The following ZMAT4 variants were observed in gnomAD, a reference collection of about 807,000 sequenced individuals.
ZMAT4 encodes zinc finger matrin-type 4, also known as zinc finger matrin-type protein 4.
ZMAT4 carries 17 observed loss-of-function variants against 28.7 expected under a neutral mutation model. That is an observed-to-expected ratio of 0.59 (90% confidence interval 0.41 to 0.89). ZMAT4 has a LOEUF of 0.89. ZMAT4 is among the 40% of genes least tolerant of loss of function. ZMAT4 has a pLI of 0.00. For missense variants in ZMAT4, 240 were observed against 283.8 expected (o/e 0.85, Z 1.11); for synonymous variants, 117 against 109.2 (o/e 1.07, Z -0.44).
chr8:40,860,265 G>A (rs1817443374), intron 1 of ZMAT4, among the ~76,000 whole-genome samples: 1 of 152,132 alleles, frequency 6.6e-6, no homozygotes, highest in African/African-American at 2.4e-5. Flanking sequence ...ACCACGAGAT[G>A]AGCAGAGGCC....
At chr8:40,668,327 A>C (rs1246491840) in intron 5 of ZMAT4, among the ~76,000 whole-genome samples, 1 of 151,834 alleles carries the variant, frequency 6.6e-6, no homozygotes. Context: ...AAAATTAACC[A>C]GGCTTGGTGG....
At chr8:40,589,785 T>C (rs1804808912) in intron 5 of ZMAT4, among the ~76,000 whole-genome samples, 1 of 139,854 alleles carries the variant, frequency 7.2e-6, no homozygotes, top group Admixed American at 7.2e-5. Context: ...TTTCCTTTCT[T>C]TCTTTTCTTT....
rs148202162 is a variant in ZMAT4 at position 40,779,845 on chromosome 8, T to C, written c.103-12115A>G. Among the ~76,000 whole-genome samples the C allele has an allele frequency of 4.5e-3, 690 of 152,182 alleles. 6 individuals carry two copies. The highest frequency in any genetic ancestry group is 0.031 in the Middle Eastern group (9 of 294). On this transcript the variant is annotated intron_variant, in intron 2 of 6. Coordinates refer to ENST00000297737, the MANE Select transcript of ZMAT4 (RefSeq NM_024645.3). ...TGGCTTCAGCTGGATAGCACCTCAG[T>C]GAGAGGCAAAATCAGGGAGAAATAG...
intron 1 of ZMAT4, among the ~76,000 whole-genome samples, chr8:40,878,728 G>A (rs577654641): frequency 7.9e-5 from 12 of 152,226 alleles, no homozygotes; most frequent in Middle Eastern, 3.2e-3. Context: ...TTCTCGCCAC[G>A]CAAGGTGCGG....
intron 5 of ZMAT4, among the ~76,000 whole-genome samples, chr8:40,653,746 C>T (rs910984134): frequency 1.3e-5 from 2 of 152,062 alleles, no homozygotes; most frequent in Non-Finnish European, 2.9e-5. Flanking sequence ...AGACTTATAA[C>T]AAGTAGAGAC....
At chr8:40,552,601 A>T (rs1179100793) in intron 6 of ZMAT4, among the ~76,000 whole-genome samples, 1 of 152,194 alleles carries the variant, frequency 6.6e-6, no homozygotes, top group Non-Finnish European at 1.5e-5. Flanking sequence ...TAAAGGAGAC[A>T]GTGTATGAAA....
At chr8:40,547,980 G>A (rs1273355783) in intron 6 of ZMAT4, among the ~76,000 whole-genome samples, 1 of 152,158 alleles carries the variant, frequency 6.6e-6, no homozygotes, top group Non-Finnish European at 1.5e-5. Context: ...ACTGGGAAAT[G>A]ACCATTTGGC....
intron 6 of ZMAT4, among the ~76,000 whole-genome samples, chr8:40,572,161 A>G (rs967068410): frequency 2.6e-5 from 4 of 152,152 alleles, no homozygotes; most frequent in Non-Finnish European, 5.9e-5. Flanking sequence ...TGCGACCCTC[A>G]GCTAACTAAC....
At chr8:40,708,452 TG>T (rs1297132403) in intron 3 of ZMAT4, among the ~76,000 whole-genome samples, 3 of 152,000 alleles carry the variant, frequency 2.0e-5, no homozygotes, top group African/African-American at 7.2e-5. Context: ...ACAAAAACAA[TG>T]GAGACAAAGC....
At chr8:40,822,247 C>T (rs570341726) in intron 2 of ZMAT4, among the ~76,000 whole-genome samples, 3 of 152,298 alleles carry the variant, frequency 2.0e-5, no homozygotes, top group African/African-American at 7.2e-5. Flanking sequence ...TTCTCAGGGA[C>T]AAGGATCATT....
At position 40,833,540 on chromosome 8, in the gene ZMAT4, C is replaced by CAAAAAAAAAAAAAAA. The variant is rs57458575; in HGVS notation, c.-4-7875_-4-7861dup. ...CCGAGATCATACCACTACACTCCAG[C>CAAAAAAAAAAAAAAA]AAAAAAAAAAAAAAAAAAGACATGA... On this transcript the variant is annotated intron_variant, in intron 1 of 6. Coordinates refer to ENST00000297737, the MANE Select transcript of ZMAT4 (RefSeq NM_024645.3). Among the ~76,000 whole-genome samples, 156 of 87,040 alleles carry CAAAAAAAAAAAAAAA rather than the reference C, an allele frequency of 1.8e-3. 3 individuals carry two copies. Among genetic ancestry groups the CAAAAAAAAAAAAAAA allele is most frequent in the Non-Finnish European group, 2.8e-3 (117 of 42,154 alleles). The allele number at this position is 87,040 out of a possible 152,430, so 57.1% of individuals were successfully genotyped here.
At chr8:40,866,373 G>A (rs1028261595) in intron 1 of ZMAT4, among the ~76,000 whole-genome samples, 6 of 152,186 alleles carry the variant, frequency 3.9e-5, no homozygotes, top group African/African-American at 1.2e-4. Flanking sequence ...GCTAATAGCT[G>A]GTGAATGTGC....
intron 5 of ZMAT4, among the ~76,000 whole-genome samples, chr8:40,602,750 G>A (rs868029712): frequency 3.9e-5 from 6 of 151,982 alleles, no homozygotes; most frequent in African/African-American, 1.2e-4. Context: ...TTTTGTTTTT[G>A]TTATGCTTTG....
At chr8:40,715,044 T>C (rs1810787290) in intron 3 of ZMAT4, among the ~76,000 whole-genome samples, 1 of 25,104 alleles carries the variant, frequency 4.0e-5, no homozygotes, top group Non-Finnish European at 6.8e-5. Flanking sequence ...GGAGACTCTG[T>C]CTCAAAAAAA....
At chr8:40,811,115 C>A (rs536250605) in intron 2 of ZMAT4, among the ~76,000 whole-genome samples, 75 of 152,228 alleles carry the variant, frequency 4.9e-4, no homozygotes, top group South Asian at 2.7e-3. Flanking sequence ...TAATAATATA[C>A]CTTACGGTGG....
chr8:40,820,351 T>G (rs1465446355), intron 2 of ZMAT4, among the ~76,000 whole-genome samples: 1 of 151,490 alleles, frequency 6.6e-6, no homozygotes, highest in Admixed American at 6.6e-5. Flanking sequence ...TGTTTATGTG[T>G]GTGTTTGTGT....
chr8:40,624,926 A>T (rs1410631089), intron 5 of ZMAT4, among the ~76,000 whole-genome samples: 1 of 152,174 alleles, frequency 6.6e-6, no homozygotes, highest in Non-Finnish European at 1.5e-5. Context: ...GCCAGACATA[A>T]AACATGTCAA....
chr8:40,634,156 A>G (rs756031345), intron 5 of ZMAT4, among the ~76,000 whole-genome samples: 21 of 152,134 alleles, frequency 1.4e-4, no homozygotes, highest in Non-Finnish European at 1.5e-5. Context: ...TATGGAGAGG[A>G]GCAAAACAAA....
At chr8:40,877,619 C>T (rs1818084666) in intron 1 of ZMAT4, among the ~76,000 whole-genome samples, 1 of 152,152 alleles carries the variant, frequency 6.6e-6, no homozygotes, top group African/African-American at 2.4e-5. Context: ...AGAAACAAAA[C>T]CACAGATGTG....
Sources: gnomAD v4.1 joint callset for allele counts (sites outside exome capture counted in the v4.1 genomes callset) on GRCh38, gnomAD v4.1.1 for gene constraint, MANE v1.5 for transcripts, NCBI Gene and HGNC (gene_info 2026-07-23, HGNC 2026-07-21) for gene names.